PRUNE2: variants seen among roughly 807,000 people sequenced by gnomAD.
PRUNE2 encodes the protein prune homolog 2 with BCH domain, also known as protein prune homolog 2.
In PRUNE2, 164 loss-of-function variants were observed where a neutral mutation model predicts 252.0. That is an observed-to-expected ratio of 0.65 (90% CI 0.57 to 0.74). The LOEUF (loss-of-function observed/expected upper bound fraction) is 0.74. PRUNE2 is among the 30% of genes least tolerant of loss of function. The pLI is 0.00. For missense variants in PRUNE2, 3,495 were observed against 3,711.0 expected (o/e 0.94, Z 1.51); for synonymous variants, 1,292 against 1,350.2 (o/e 0.96, Z 0.94).
chr9:76,669,916 A>C (rs141181918), intron 9 of PRUNE2, among the ~76,000 whole-genome samples: 5 of 152,320 alleles, frequency 3.3e-5, no homozygotes, highest in Admixed American at 3.3e-4. Context: ...CCTTCAGGGA[A>C]GCATCTACCC....
chr9:76,692,205 G>A (rs2044831280), intron 9 of PRUNE2: 1 of 716,110 alleles, frequency 1.4e-6, no homozygotes. Flanking sequence ...CATGATCTCT[G>A]GCACATCTAA....
intron 1 of PRUNE2, among the ~76,000 whole-genome samples, chr9:76,903,025 T>A (rs2063273165): frequency 6.6e-6 from 1 of 152,214 alleles, no homozygotes; most frequent in African/African-American, 2.4e-5. Context: ...AGCTCCAAAC[T>A]ACCTGATAAA....
intron 4 of PRUNE2, among the ~76,000 whole-genome samples, chr9:76,829,182 C>G (rs2058524708): frequency 6.6e-6 from 1 of 151,940 alleles, no homozygotes; most frequent in African/African-American, 2.4e-5. Flanking sequence ...ACAGAGTTAC[C>G]CAAGTAACTG....
intron 9 of PRUNE2, among the ~76,000 whole-genome samples, chr9:76,676,778 AC>A (rs553598504): frequency 1.6e-4 from 25 of 152,364 alleles, no homozygotes; most frequent in African/African-American, 5.8e-4. Context: ...TTACGATGTC[AC>A]ATCCACTGCC....
intron 6 of PRUNE2, chr9:76,823,167 A>G (rs981675076): frequency 2.0e-5 from 3 of 152,614 alleles, no homozygotes; most frequent in African/African-American, 7.2e-5. Context: ...GTTAAGTAAT[A>G]CTTGAGTTGT....
At position 76,642,066 on chromosome 9, in the gene PRUNE2, G is replaced by C. The variant is rs897512140; in HGVS notation, c.8728+2673C>G. 36 of 992,268 alleles carry C rather than the reference G, an allele frequency of 3.6e-5. 1 individual carries two copies. The highest frequency in any genetic ancestry group is 2.4e-4 in the Middle Eastern group (1 of 4,166). 61.5% of individuals were successfully genotyped at this position (992,268 alleles called of 1,614,324 possible). A position where few individuals can be genotyped will look rare whatever the true frequency, so the allele number is the denominator to read the frequency against. Reference sequence around the variant, plus strand: ...CTTGTTAAAATTACTTGGCATTATTGTTCTCCATTATTTAAATGGGTTTCT... The same window carrying C: ...CTTGTTAAAATTACTTGGCATTATTCTTCTCCATTATTTAAATGGGTTTCT... On this transcript the variant is annotated intron_variant, in intron 12 of 18. Transcript: ENST00000376718.
chr9:76,671,677 A>G (rs570508374), intron 9 of PRUNE2, among the ~76,000 whole-genome samples: 120 of 152,232 alleles, frequency 7.9e-4, no homozygotes, highest in African/African-American at 2.4e-3. Context: ...CATCAAAGGG[A>G]AGCCCATCAG....
At chr9:76,646,120 C>CAAAG (rs1844745738) in intron 11 of PRUNE2, among the ~76,000 whole-genome samples, 1 of 152,152 alleles carries the variant, frequency 6.6e-6, no homozygotes, top group Admixed American at 6.5e-5. Flanking sequence ...ATTTATTTTA[C>CAAAG]AAAGAGACTG....
At chr9:76,694,993 A>G (rs2045242690) in intron 9 of PRUNE2, among the ~76,000 whole-genome samples, 1 of 152,226 alleles carries the variant, frequency 6.6e-6, no homozygotes, top group African/African-American at 2.4e-5. Flanking sequence ...ATGGTATAAT[A>G]GATGACTAAT....
chr9:76,817,267 T>C (rs1413379712), intron 6 of PRUNE2, among the ~76,000 whole-genome samples: 2 of 152,146 alleles, frequency 1.3e-5, no homozygotes, highest in African/African-American at 2.4e-5. Flanking sequence ...CCAAGCAGTA[T>C]ACACAGGGCT....
At chr9:76,712,520 G>T (rs2046815991) in intron 7 of PRUNE2, among the ~76,000 whole-genome samples, 1 of 152,182 alleles carries the variant, frequency 6.6e-6, no homozygotes, top group Admixed American at 6.5e-5. Context: ...GAGGACTGGG[G>T]TCAACTCAAG....
intron 9 of PRUNE2, among the ~76,000 whole-genome samples, chr9:76,676,605 C>T (rs1436802624): frequency 6.6e-6 from 1 of 151,960 alleles, no homozygotes; most frequent in East Asian, 1.9e-4. Flanking sequence ...TTCTGTGTTT[C>T]AATTTTTAAA....
intron 9 of PRUNE2, among the ~76,000 whole-genome samples, chr9:76,660,697 A>C (rs1850978021): frequency 6.7e-6 from 1 of 149,506 alleles, no homozygotes; most frequent in Admixed American, 6.8e-5. Flanking sequence ...CAGAAGAATC[A>C]CCTGAACCCG....
At chr9:76,798,915 G>T (rs2056328285) in intron 6 of PRUNE2, among the ~76,000 whole-genome samples, 1 of 152,178 alleles carries the variant, frequency 6.6e-6, no homozygotes, top group African/African-American at 2.4e-5. Context: ...GAGGCTTTGA[G>T]GAAAAGGGAC....
chr9:76,810,676 T>C (rs757964676), intron 6 of PRUNE2, among the ~76,000 whole-genome samples: 1 of 152,220 alleles, frequency 6.6e-6, no homozygotes, highest in Non-Finnish European at 1.5e-5. Context: ...ATTATTCCTT[T>C]GTTTGACTCT....
intron 9 of PRUNE2, among the ~76,000 whole-genome samples, chr9:76,693,700 T>G (rs943561985): frequency 1.3e-5 from 2 of 152,068 alleles, no homozygotes; most frequent in African/African-American, 2.4e-5. Flanking sequence ...CCTTGGCCTC[T>G]CAAAGTGCTG....
intron 6 of PRUNE2, chr9:76,788,401 C>T: frequency 1.3e-6 from 1 of 761,162 alleles, no homozygotes; most frequent in Non-Finnish European, 2.5e-6. Flanking sequence ...CCACTACTTT[C>T]CTCTTTGTAA....
chr9:76,841,535 C>T lies in PRUNE2; in HGVS notation c.508+4980G>A, dbSNP rs146626679. ...AGTGGTCTAGCTCAGTGGATCCCAC[C>T]CCATGGAGCCCAGCAAGCTAAGATC... On this transcript the variant is annotated intron_variant, in intron 4 of 18. Transcript: ENST00000376718. Among the ~76,000 whole-genome samples the T allele has an allele frequency of 5.6e-3, 850 of 152,314 alleles. 13 individuals carry two copies. The highest frequency in any genetic ancestry group is 0.019 in the African/African-American group (809 of 41,564).
chr9:76,835,042 G>A (rs549278399), intron 4 of PRUNE2, among the ~76,000 whole-genome samples: 2 of 152,248 alleles, frequency 1.3e-5, no homozygotes, highest in South Asian at 2.1e-4. Context: ...GGGAAGGAGC[G>A]ATTAACAGCA....
Sources: gnomAD v4.1 joint callset for allele counts (sites outside exome capture counted in the v4.1 genomes callset) on GRCh38, gnomAD v4.1.1 for gene constraint, MANE v1.5 for transcripts, NCBI Gene and HGNC (gene_info 2026-07-23, HGNC 2026-07-21) for gene names.